Variants in MMS22L observed in about 807,000 individuals in gnomAD.
The protein encoded by MMS22L is protein MMS22-like.
A neutral mutation model predicts 159.1 loss-of-function variants in MMS22L; 74 were observed. The ratio of observed to expected loss-of-function variants is 0.47; its 90% CI spans 0.39 to 0.56. MMS22L has a LOEUF of 0.56. MMS22L is among the 20% of genes least tolerant of loss of function. The probability of loss-of-function intolerance (pLI) is 0.00; values close to 1 mark genes in which losing one functional copy is unlikely to be tolerated. For synonymous variants in MMS22L, 517 were observed against 506.9 expected (o/e 1.02, Z -0.27); for missense variants, 1,351 against 1,422.1 (o/e 0.95, Z 0.80).
At position 97,178,456 on chromosome 6, in the gene MMS22L, A is replaced by G. The variant is rs367560519; in HGVS notation, c.2666T>C (p.Val889Ala). The change falls in exon 18 of 25, where the codon GTT becomes GCT. Residue 889 changes from valine to alanine, a missense_variant. Physicochemically the swap from Val to Ala is moderately conservative, Grantham distance 64. Transcript: ENST00000683635. ...AATGACAAATACCTCAAAGAATCGA[A>G]CAAGTGCTTTTTTAGGGTCTTCTGA... Reference protein sequence around the residue: ...SISEDPKKALVRFFEAVGVTY... With the variant: ...SISEDPKKALARFFEAVGVTY... The G allele has an allele frequency of 9.7e-6, 15 of 1,553,348 alleles. No individual in the cohort carries two copies. Among genetic ancestry groups the G allele is most frequent in the Admixed American group, 1.9e-5 (1 of 52,146 alleles).
chr6:97,200,905 T>C (rs1562451709), intron 14 of MMS22L, among the ~76,000 whole-genome samples: 1 of 152,082 alleles, frequency 6.6e-6, no homozygotes, highest in Non-Finnish European at 1.5e-5. Flanking sequence ...TTAAGAACAA[T>C]GCAAAAGTAG....
At chr6:97,251,883 A>G (rs1488921951) in intron 10 of MMS22L, among the ~76,000 whole-genome samples, 4 of 152,240 alleles carry the variant, frequency 2.6e-5, no homozygotes, top group South Asian at 4.1e-4. Flanking sequence ...GAAGATCAAG[A>G]CTATCCTGTC....
At chr6:97,228,325 A>G (rs552092688) in intron 14 of MMS22L, among the ~76,000 whole-genome samples, 3 of 152,320 alleles carry the variant, frequency 2.0e-5, no homozygotes, top group Non-Finnish European at 4.4e-5. Context: ...GTGTTTGCAT[A>G]TAAGCTTTCT....
Position 97,186,670 on chromosome 6 carries a change from C to T in MMS22L, c.2060G>A (p.Cys687Tyr), listed in dbSNP as rs757041513. ...CACATTGTCCCTTTGAAGTTCCTGA[C>T]ACAATTGTTGATGCATACTCCTAAA... is the stretch of plus-strand genomic sequence containing the variant. ...ARIRSMHQQL[C>Y]QELQRDNVDL... Residue 687 changes from cysteine (C) to tyrosine (Y), a missense_variant, in exon 15 of 25, where the codon TGT becomes TAT. Physicochemically the swap from Cys to Tyr is radical, Grantham distance 194. Coordinates refer to ENST00000683635, the MANE Select transcript of MMS22L (RefSeq NM_001350599.2). 1 of 1,563,804 alleles carries T rather than the reference C, an allele frequency of 6.4e-7. No homozygotes were observed. Among genetic ancestry groups the T allele is most frequent in the Non-Finnish European group, 8.6e-7 (1 of 1,156,706 alleles).
At chr6:97,198,588 C>T (rs1335479328) in intron 14 of MMS22L, among the ~76,000 whole-genome samples, 1 of 152,080 alleles carries the variant, frequency 6.6e-6, no homozygotes, top group Non-Finnish European at 1.5e-5. Flanking sequence ...AGATGCAGAC[C>T]TGACCTAAAG....
At chr6:97,260,174 A>G (rs1295301719) in intron 9 of MMS22L, 1 of 152,194 alleles carries the variant, frequency 6.6e-6, no homozygotes, top group Admixed American at 6.5e-5. Flanking sequence ...AATCTTTCAA[A>G]TTATCCAGCA....
intron 20 of MMS22L, 140 bp downstream of exon 20, chr6:97,167,931 A>C (rs1803136717): frequency 1.3e-6 from 1 of 775,926 alleles, no homozygotes. Flanking sequence ...AAGCAATTTA[A>C]AATATGTTCA....
chr6:97,218,173 G>A (rs930504100), intron 14 of MMS22L, among the ~76,000 whole-genome samples: 5 of 152,058 alleles, frequency 3.3e-5, no homozygotes, highest in African/African-American at 7.2e-5. Flanking sequence ...CAATAACACC[G>A]AAAACCTTTC....
chr6:97,150,481 G>GA (rs1484229168), intron 23 of MMS22L, among the ~76,000 whole-genome samples: 1 of 151,942 alleles, frequency 6.6e-6, no homozygotes, highest in Non-Finnish European at 1.5e-5. Flanking sequence ...TTCCTTAACT[G>GA]AATAAAAGAC....
At chr6:97,205,941 A>C (rs1807739918) in intron 14 of MMS22L, among the ~76,000 whole-genome samples, 2 of 152,214 alleles carry the variant, frequency 1.3e-5, no homozygotes, top group South Asian at 4.1e-4. Flanking sequence ...ACTCCACAAT[A>C]GGAAACTGCA....
chr6:97,233,721 G>A (rs912002005), intron 12 of MMS22L, 140 bp downstream of exon 12: 7 of 740,708 alleles, frequency 9.5e-6, no homozygotes, highest in Admixed American at 4.0e-5. Flanking sequence ...AACTATTCAC[G>A]AGCTACTCCA....
rs767495690 is a variant in MMS22L at position 97,186,531 on chromosome 6, T to C, written c.2199A>G (p.Val733=). ...SFLKSQRMSQ[V]VPFSQLADAA... The stretch of plus-strand genomic sequence containing the variant: ...CATCCGCAAGTTGTGAGAAAGGCAC[T>C]ACCTGTGACATTCTCTGACTCTTCA... Residue 733 remains valine (V), a synonymous_variant, in exon 15 of 25, where the codon GTA becomes GTG. Coordinates refer to ENST00000683635, the MANE Select transcript of MMS22L (RefSeq NM_001350599.2). 4 of 1,612,976 alleles carry C rather than the reference T, an allele frequency of 2.5e-6. No homozygotes were observed. Among genetic ancestry groups the C allele is most frequent in the Non-Finnish European group, 3.4e-6 (4 of 1,179,550 alleles).
In MMS22L at chr6:97,242,909, A is replaced by G. The variant is rs551963730; in HGVS notation, c.1182+3719T>C. On this transcript the variant is annotated intron_variant, in intron 11 of 24. Transcript: ENST00000683635. ...TAAGGATGCCAAAGATAGGACCCAA[A>G]TCCCTTCTAGCTTGTATTCTGCTAA... is the stretch of plus-strand genomic sequence containing the variant. Among the ~76,000 whole-genome samples the G allele has an allele frequency of 3.8e-4, 58 of 152,278 alleles. 3 individuals are homozygous for G. In the South Asian group the frequency reaches 0.011, roughly 28 times the overall value.
chr6:97,212,444 T>C (rs1357494921), intron 14 of MMS22L, among the ~76,000 whole-genome samples: 1 of 152,196 alleles, frequency 6.6e-6, no homozygotes, highest in Non-Finnish European at 1.5e-5. Context: ...CTAAAAAATC[T>C]TAATTTAGAA....
chr6:97,204,056 C>T (rs1468376342), intron 14 of MMS22L, among the ~76,000 whole-genome samples: 1 of 152,162 alleles, frequency 6.6e-6, no homozygotes, highest in Non-Finnish European at 1.5e-5. Context: ...GAATGCCAAA[C>T]CCTACTGTAA....
intron 22 of MMS22L, among the ~76,000 whole-genome samples, chr6:97,155,485 C>T (rs1223662977): frequency 6.6e-6 from 1 of 152,098 alleles, no homozygotes; most frequent in East Asian, 1.9e-4. Flanking sequence ...CCTGACAGGC[C>T]CCGGTGTGTG....
rs1005287525 is a variant in MMS22L, at chr6:97,167,751, T to C, written c.3009+320A>G. Among the ~76,000 whole-genome samples, 11 of 152,194 alleles carry C rather than the reference T, an allele frequency of 7.2e-5. No homozygotes were observed. The East Asian group carries it at 2.1e-3, about 29-fold the overall frequency. On this transcript the variant is annotated intron_variant, in intron 20 of 24. Transcript: ENST00000683635. ...CCTACCCATTTTGCTCTTTTACCTC[T>C]GATGTCCTCTACAGTGTATTCTCTT...
intron 14 of MMS22L, among the ~76,000 whole-genome samples, chr6:97,214,902 A>C (rs1443323535): frequency 6.6e-6 from 1 of 150,766 alleles, no homozygotes; most frequent in Non-Finnish European, 1.5e-5. Flanking sequence ...ATGATGAAAA[A>C]AATACGTAAT....
At chr6:97,172,154 A>G (rs974765222) in intron 19 of MMS22L, among the ~76,000 whole-genome samples, 3 of 152,204 alleles carry the variant, frequency 2.0e-5, no homozygotes, top group South Asian at 2.1e-4. Flanking sequence ...GAATGCCAAT[A>G]TATTTATTAA....
Sources: gnomAD v4.1 joint callset for allele counts (sites outside exome capture counted in the v4.1 genomes callset) on GRCh38, gnomAD v4.1.1 for gene constraint, MANE v1.5 for transcripts, NCBI Gene and HGNC (gene_info 2026-07-23, HGNC 2026-07-21) for gene names.